ZNF570: variants seen among roughly 807,000 people sequenced by gnomAD.
The protein encoded by ZNF570 is zinc finger protein 570.
Under a neutral mutation model 14.2 loss-of-function variants are expected in ZNF570, and 8 were observed. The observed-to-expected ratio is 0.56, with a 90% CI of 0.33 to 1.02. ZNF570 has a LOEUF of 1.02. ZNF570 is among the 50% of genes least tolerant of loss of function. The probability of loss-of-function intolerance (pLI) is 0.03; values close to 1 mark genes in which losing one functional copy is unlikely to be tolerated. For missense variants in ZNF570, 559 were observed against 624.9 expected (o/e 0.89, Z 1.12); for synonymous variants, 202 against 207.6 (o/e 0.97, Z 0.23).
Position 37,484,456 on chromosome 19 carries a change from A to G in ZNF570, c.834A>G (p.Glu278=), listed in dbSNP as rs748039990. 5.6e-6 allele frequency: 9 copies of G among 1,614,080 alleles called. No individual in the cohort carries two copies. Among genetic ancestry groups the G allele is most frequent in the Non-Finnish European group, 7.6e-6 (9 of 1,179,984 alleles). ...GAGAAAAACCCTATGAATGTAAGGA[A>G]TGTAGGAAAGCCTTCAGTCAGAATG... ...HTGEKPYECK[E]CRKAFSQNAH... The change falls in exon 5 of 5, where the codon GAA becomes GAG. Residue 278 remains glutamate (E), a synonymous_variant. Transcript: ENST00000330173.
Position 37,485,401 on chromosome 19 carries a change from C to G in ZNF570, c.*168C>G. On this transcript the variant is annotated 3_prime_UTR_variant, in exon 5 of 5. Transcript: ENST00000330173. ...TTTCCCACAATGCACTCAAACGGAT[C>G]TTTTTTTTCTTTTTTTTTCTTTTTG... is the stretch of plus-strand genomic sequence containing the variant. 1.6e-6 allele frequency: 1 copy of G among 612,166 alleles called. No homozygotes were observed. Among genetic ancestry groups the G allele is most frequent in the Non-Finnish European group, 2.5e-6 (1 of 393,688 alleles). The allele number at this position is 612,166 out of a possible 1,614,324, so 37.9% of individuals were successfully genotyped here.
At chr19:37,470,123 A>G in intron 1 of ZNF570, 181 bp from the exon 2 acceptor site, 1 of 544,506 alleles carries the variant, frequency 1.8e-6, no homozygotes, top group Non-Finnish European at 3.3e-6. Context: ...AACCTAAGGA[A>G]TTGGGAAATG....
intron 2 of ZNF570, among the ~76,000 whole-genome samples, chr19:37,473,074 CAG>C (rs1357859093): frequency 6.6e-6 from 1 of 151,960 alleles, no homozygotes; most frequent in Admixed American, 6.6e-5. Flanking sequence ...TTTGTTTTCT[CAG>C]AGAAAATAAG....
chr19:37,485,191 G>T lies in ZNF570; in HGVS notation c.1569G>T (p.Glu523Asp). ...ATCACCAGAGAATTCACATTGGGGA[G>T]TCACTGTCACCACCCAACCCAGTCA... is the stretch of plus-strand genomic sequence containing the variant. ...LAHHQRIHIG[E>D]SLSPPNPVNH... Residue 523 changes from glutamate (E) to aspartate (D), a missense_variant, in exon 5 of 5, where the codon GAG (glutamate) becomes GAT (aspartate). Physicochemically the swap from Glu to Asp is conservative, Grantham distance 45. Transcript: ENST00000330173. 1.3e-6 allele frequency: 2 copies of T among 1,580,178 alleles called. No individual in the cohort carries two copies. Among genetic ancestry groups the T allele is most frequent in the Non-Finnish European group, 1.7e-6 (2 of 1,163,508 alleles).
At chr19:37,481,440 A>G (rs570558775) in intron 4 of ZNF570, among the ~76,000 whole-genome samples, 2 of 152,348 alleles carry the variant, frequency 1.3e-5, no homozygotes, top group South Asian at 2.1e-4. Context: ...GGCGTGAGCC[A>G]TTGTGCCCGG....
At chr19:37,476,561 G>T in intron 4 of ZNF570, 127 bp downstream of exon 4, 1 of 1,315,946 alleles carries the variant, frequency 7.6e-7, no homozygotes. Flanking sequence ...TAAAAATTTG[G>T]GGCCATTTAG....
chr19:37,482,627 AC>A (rs2042100117), intron 4 of ZNF570, among the ~76,000 whole-genome samples: 1 of 152,164 alleles, frequency 6.6e-6, no homozygotes, highest in African/African-American at 2.4e-5. Context: ...GAGCTGTATT[AC>A]CATCTGTTAC....
Position 37,486,513 on chromosome 19 carries a change from G to A in ZNF570, c.*1280G>A, listed in dbSNP as rs572340603. The A allele has an allele frequency of 6.6e-6, 1 of 152,170 alleles. No homozygotes were observed. Among genetic ancestry groups the A allele is most frequent in the Admixed American group, 6.5e-5 (1 of 15,274 alleles). 9.4% of individuals were successfully genotyped at this position (152,170 alleles called of 1,614,324 possible). ...TTCAATAAATGATAATAGCTAACAT[G>A]TATTGAGTGCCCACTACACATCAGG... On this transcript the variant is annotated 3_prime_UTR_variant, in exon 5 of 5. Coordinates refer to ENST00000330173, the MANE Select transcript of ZNF570 (RefSeq NM_144694.5).
intron 2 of ZNF570, among the ~76,000 whole-genome samples, chr19:37,471,334 T>C (rs1438107249): frequency 6.6e-6 from 1 of 152,206 alleles, no homozygotes; most frequent in Non-Finnish European, 1.5e-5. Flanking sequence ...GCATTCTTAA[T>C]GCATGGCCTT....
Position 37,484,381 on chromosome 19 carries a change from A to G in ZNF570, c.759A>G (p.Lys253=), listed in dbSNP as rs2042123813. The G allele has an allele frequency of 6.2e-7, 1 of 1,614,048 alleles. No homozygotes were observed. Among genetic ancestry groups the G allele is most frequent in the African/African-American group, 1.3e-5 (1 of 75,010 alleles). Residue 253 remains lysine (K), a synonymous_variant, in exon 5 of 5, where the codon AAA becomes AAG. Transcript: ENST00000330173. ...EKPYKCIECG[K]AFSQRSNLVQ... Reference sequence around the variant, plus strand: ...CCTATAAATGTATAGAGTGTGGAAAAGCCTTCAGCCAGAGATCAAATCTTG... The same window carrying G: ...CCTATAAATGTATAGAGTGTGGAAAGGCCTTCAGCCAGAGATCAAATCTTG...
intron 4 of ZNF570, among the ~76,000 whole-genome samples, chr19:37,481,767 G>A (rs2147020069): frequency 6.6e-6 from 1 of 152,150 alleles, no homozygotes; most frequent in Admixed American, 6.5e-5. Context: ...CCAGTTACAT[G>A]TGCCTAAGAC....
chr19:37,475,442 A>G (rs1275402886), intron 2 of ZNF570, among the ~76,000 whole-genome samples: 2 of 152,172 alleles, frequency 1.3e-5, no homozygotes, highest in Admixed American at 6.5e-5. Flanking sequence ...ACTTTCTGGT[A>G]TTGTTTTTGA....
At position 37,484,066 on chromosome 19, in the gene ZNF570, A is replaced by G. The variant is rs777921724; in HGVS notation, c.444A>G (p.Glu148=). 11 of 1,614,132 alleles carry G rather than the reference A, an allele frequency of 6.8e-6. No individual in the cohort carries two copies. Among genetic ancestry groups the G allele is most frequent in the East Asian group, 4.5e-5 (2 of 44,870 alleles). The change falls in exon 5 of 5, where the codon GAA becomes GAG. Residue 148 remains glutamate, a synonymous_variant. Coordinates refer to ENST00000330173, the MANE Select transcript of ZNF570 (RefSeq NM_144694.5). ...QPGNQKACFK[E]EIITHEEPLF... is the part of the protein sequence containing the mutation. ...GTAATCAGAAGGCGTGTTTCAAGGAAGAGATAATCACTCATGAAGAACCCC... is the reference window on the plus strand; with the variant it reads ...GTAATCAGAAGGCGTGTTTCAAGGAGGAGATAATCACTCATGAAGAACCCC...
intron 3 of ZNF570, 65 bp from the exon 4 acceptor site, chr19:37,476,274 T>C (rs751468578): frequency 1.2e-5 from 19 of 1,574,210 alleles, no homozygotes; most frequent in Non-Finnish European, 1.6e-5. Flanking sequence ...GAGCTAAGGA[T>C]TGAATGTGAG....
At chr19:37,483,021 CTT>C (rs1422831590) in intron 4 of ZNF570, among the ~76,000 whole-genome samples, 2 of 152,090 alleles carry the variant, frequency 1.3e-5, no homozygotes, top group Admixed American at 1.3e-4. Flanking sequence ...CAGGTAGTGT[CTT>C]TACAGCAACG....
rs183626320 is a variant in ZNF570, at chr19:37,485,674, C to T, written c.*441C>T. On this transcript the variant is annotated 3_prime_UTR_variant, in exon 5 of 5. Transcript: ENST00000330173. The stretch of plus-strand genomic sequence containing the variant: ...CTGATCTCAAGTGATCTGTCTGTCT[C>T]GGCCTCCCAAAGTGCTGGGATTACA... 2.7e-3 allele frequency: 419 copies of T among 155,086 alleles called. 13 individuals are homozygous for T. The East Asian group carries it at 0.045, about 17-fold the overall frequency. The allele number at this position is 155,086 out of a possible 1,614,324, so 9.6% of individuals were successfully genotyped here. A position where few individuals can be genotyped will look rare whatever the true frequency, so the allele number is the denominator to read the frequency against.
chr19:37,484,052 G>T lies in ZNF570; in HGVS notation c.430G>T (p.Ala144Ser). The part of the protein sequence containing the change: ...YFERQPGNQK[A>S]CFKEEIITHE... ...TGAAAGGCAACCAGGTAATCAGAAG[G>T]CGTGTTTCAAGGAAGAGATAATCAC... Residue 144 changes from alanine (A) to serine (S), a missense_variant, in exon 5 of 5, where the codon GCG becomes TCG. By Grantham distance (99) the Ala-to-Ser change is moderately conservative (BLOSUM62 1). Coordinates refer to ENST00000330173, the MANE Select transcript of ZNF570 (RefSeq NM_144694.5). 6.2e-7 allele frequency: 1 copy of T among 1,614,100 alleles called. No homozygotes were observed. Among genetic ancestry groups the T allele is most frequent in the East Asian group, 2.2e-5 (1 of 44,866 alleles).
chr19:37,475,944 T>C lies in ZNF570; in HGVS notation c.97T>C (p.Ser33Pro). Residue 33 changes from serine to proline, a missense_variant, in exon 3 of 5, where the codon TCT (serine) becomes CCT (proline). Transcript: ENST00000330173. ...CCAAGAGGAATGGGATTGTCTGGATTCTTCTCAAAGACATCTGTACAGTAA... is the reference window on the plus strand; with the variant it reads ...CCAAGAGGAATGGGATTGTCTGGATCCTTCTCAAAGACATCTGTACAGTAA... ...FSQEEWDCLD[S>P]SQRHLYSNVM... is the part of the protein sequence containing the mutation. The C allele has an allele frequency of 6.2e-7, 1 of 1,614,120 alleles. No individual in the cohort carries two copies.
chr19:37,476,817 C>T (rs1326393317), intron 4 of ZNF570, among the ~76,000 whole-genome samples: 4 of 147,256 alleles, frequency 2.7e-5, no homozygotes, highest in Non-Finnish European at 5.9e-5. Flanking sequence ...TCAAGCAATT[C>T]TCCTGATTCA....
Sources: allele counts gnomAD v4.1 joint callset (sites outside exome capture counted in the v4.1 genomes callset), GRCh38; gene constraint gnomAD v4.1.1; transcripts MANE v1.5; gene names NCBI Gene and HGNC (gene_info 2026-07-23, HGNC 2026-07-21).